Variants in DOCK5 observed in about 807,000 individuals in gnomAD.
The protein encoded by DOCK5 is dedicator of cytokinesis protein 5.
A neutral mutation model predicts 251.8 loss-of-function variants in DOCK5; 142 were observed. That is an observed-to-expected ratio of 0.56 (90% CI 0.49 to 0.65). The LOEUF is 0.65. DOCK5 is among the 30% of genes least tolerant of loss of function. DOCK5 has a pLI of 0.00. For missense variants in DOCK5, 2,111 were observed against 2,312.3 expected (o/e 0.91, Z 1.79); for synonymous variants, 842 against 835.5 (o/e 1.01, Z -0.13).
chr8:25,378,750 T>G (rs1260251674), intron 38 of DOCK5, among the ~76,000 whole-genome samples: 1 of 152,214 alleles, frequency 6.6e-6, no homozygotes, highest in Non-Finnish European at 1.5e-5. Context: ...AGTAGGGAAA[T>G]CAGTGCCCTG....
At chr8:25,354,238 T>C (rs554712387) in intron 27 of DOCK5, among the ~76,000 whole-genome samples, 3 of 152,270 alleles carry the variant, frequency 2.0e-5, no homozygotes, top group Admixed American at 6.5e-5. Flanking sequence ...CATTGCGTTA[T>C]GCTAAAACTG....
chr8:25,284,033 G>A (rs1405487847), intron 5 of DOCK5, among the ~76,000 whole-genome samples: 2 of 152,056 alleles, frequency 1.3e-5, no homozygotes, highest in Non-Finnish European at 2.9e-5. Flanking sequence ...CTCCCTTACT[G>A]GGTATGTACT....
At chr8:25,206,952 AC>A (rs1466008795) in intron 1 of DOCK5, among the ~76,000 whole-genome samples, 1 of 152,070 alleles carries the variant, frequency 6.6e-6, no homozygotes, top group African/African-American at 2.4e-5. Flanking sequence ...ATGTGGAGAG[AC>A]CCTACAGCCC....
intron 38 of DOCK5, among the ~76,000 whole-genome samples, chr8:25,378,929 G>C (rs1026118436): frequency 1.3e-5 from 2 of 152,160 alleles, no homozygotes; most frequent in African/African-American, 4.8e-5. Context: ...ATCACATATC[G>C]GTAGGACCGT....
intron 1 of DOCK5, among the ~76,000 whole-genome samples, chr8:25,225,777 G>T (rs554548857): frequency 1.2e-4 from 19 of 152,022 alleles, no homozygotes; most frequent in African/African-American, 4.6e-4. Context: ...TATGCTAAGT[G>T]AAATAAGCCA....
At chr8:25,275,063 G>A (rs1297210673) in intron 3 of DOCK5, among the ~76,000 whole-genome samples, 2 of 152,160 alleles carry the variant, frequency 1.3e-5, no homozygotes, top group African/African-American at 2.4e-5. Flanking sequence ...CTCATGGCAA[G>A]TAGCATCTGA....
At chr8:25,229,841 G>A (rs1802625414) in intron 1 of DOCK5, among the ~76,000 whole-genome samples, 1 of 151,636 alleles carries the variant, frequency 6.6e-6, no homozygotes, top group Admixed American at 6.6e-5. Flanking sequence ...TGTTTTTATT[G>A]TTCACTGTAA....
chr8:25,204,495 A>C (rs1168120918), intron 1 of DOCK5, among the ~76,000 whole-genome samples: 2 of 152,174 alleles, frequency 1.3e-5, no homozygotes, highest in Admixed American at 6.5e-5. Context: ...AGTTGTTGAA[A>C]ATTTCTGCAA....
intron 11 of DOCK5, among the ~76,000 whole-genome samples, chr8:25,306,701 AAT>A (rs1480032646): frequency 2.0e-5 from 3 of 151,618 alleles, no homozygotes; most frequent in African/African-American, 7.3e-5. Flanking sequence ...CTGAAAAAAA[AAT>A]AAATAAATAA....
At position 25,292,173 on chromosome 8, in the gene DOCK5, G is replaced by A. The variant is rs745810604; in HGVS notation, c.470+1G>A. On this transcript the variant is annotated splice_donor_variant, in intron 6 of 51. Coordinates refer to ENST00000276440, the MANE Select transcript of DOCK5 (RefSeq NM_024940.8). LOFTEE classifies it high-confidence loss of function. Reference sequence around the variant, plus strand: ...CAGCCAAAATTGATCATGGGAACAGGTAGGTAAACCAGGGATGGCTTTTCA... The same window carrying A: ...CAGCCAAAATTGATCATGGGAACAGATAGGTAAACCAGGGATGGCTTTTCA... 1 of 1,567,154 alleles carries A rather than the reference G, an allele frequency of 6.4e-7. No individual in the cohort carries two copies. Among genetic ancestry groups the A allele is most frequent in the Admixed American group, 1.9e-5 (1 of 52,726 alleles).
At chr8:25,320,230 C>A (rs1216675885) in intron 15 of DOCK5, among the ~76,000 whole-genome samples, 1 of 152,116 alleles carries the variant, frequency 6.6e-6, no homozygotes, top group Non-Finnish European at 1.5e-5. Flanking sequence ...CTTCTGAATC[C>A]CGGGCTCCAT....
intron 27 of DOCK5, among the ~76,000 whole-genome samples, chr8:25,358,103 T>A (rs1800610743): frequency 6.6e-6 from 1 of 152,136 alleles, no homozygotes; most frequent in African/African-American, 2.4e-5. Context: ...CAGGTTGTAT[T>A]AGTCCGTTCT....
At chr8:25,338,353 A>G (rs1413923064) in intron 22 of DOCK5, among the ~76,000 whole-genome samples, 2 of 152,178 alleles carry the variant, frequency 1.3e-5, no homozygotes, top group Non-Finnish European at 2.9e-5. Context: ...AAATGTCAAT[A>G]GTATGAAAAC....
At chr8:25,345,357 A>C in intron 25 of DOCK5, 118 bp from the exon 26 acceptor site, 1 of 1,445,254 alleles carries the variant, frequency 6.9e-7, no homozygotes, top group Non-Finnish European at 9.4e-7. Context: ...GCATCCCTGC[A>C]GGGCTGATTG....
At chr8:25,273,254 C>T (rs1449772121) in intron 3 of DOCK5, among the ~76,000 whole-genome samples, 1 of 152,128 alleles carries the variant, frequency 6.6e-6, no homozygotes, top group African/African-American at 2.4e-5. Flanking sequence ...TTACTCAGTG[C>T]CTGCTGCATG....
chr8:25,273,214 T>G (rs11987660), intron 3 of DOCK5, among the ~76,000 whole-genome samples: 1,550 of 152,254 alleles, frequency 0.01, 27 homozygotes, highest in African/African-American at 0.035. Flanking sequence ...CTGAACACCC[T>G]CCTTTCTCAT....
intron 22 of DOCK5, among the ~76,000 whole-genome samples, chr8:25,339,866 C>A (rs1805906685): frequency 6.6e-6 from 1 of 152,150 alleles, no homozygotes; most frequent in Non-Finnish European, 1.5e-5. Flanking sequence ...TCTCATCTCC[C>A]ACATGGAAAA....
intron 33 of DOCK5, 74 bp downstream of exon 33, chr8:25,368,799 G>A (rs556078446): frequency 9.0e-6 from 13 of 1,438,198 alleles, no homozygotes; most frequent in Non-Finnish European, 1.2e-5. Flanking sequence ...TTTCTATATA[G>A]AGAAGCAGTA....
At chr8:25,193,660 A>T (rs1801642594) in intron 1 of DOCK5, among the ~76,000 whole-genome samples, 2 of 152,024 alleles carry the variant, frequency 1.3e-5, no homozygotes, top group African/African-American at 4.8e-5. Flanking sequence ...CCTACTTGGG[A>T]GGCTGAGGTG....
Sources: allele counts gnomAD v4.1 joint callset (sites outside exome capture counted in the v4.1 genomes callset), GRCh38; gene constraint gnomAD v4.1.1; transcripts MANE v1.5; gene names NCBI Gene and HGNC (gene_info 2026-07-23, HGNC 2026-07-21).